NRXN3: variants seen among roughly 807,000 people sequenced by gnomAD.
NRXN3 encodes the protein neurexin III.
In NRXN3, 32 loss-of-function variants were observed where a neutral mutation model predicts 137.6. The ratio of observed to expected loss-of-function variants is 0.23; its 90% confidence interval spans 0.18 to 0.31. The LOEUF is 0.31. Ranked by LOEUF, NRXN3 falls within the 10% of genes least tolerant of loss-of-function variation. NRXN3 has a pLI of 1.00. For synonymous variants in NRXN3, 798 were observed against 784.5 expected, an observed-to-expected ratio of 1.02 and a Z score of -0.29; for missense variants, 1,574 against 2,062.5, an observed-to-expected ratio of 0.76 and a Z score of 4.59.
At chr14:79,097,662 A>C (rs2050586587) in intron 15 of NRXN3, among the ~76,000 whole-genome samples, 2 of 152,164 alleles carry the variant, frequency 1.3e-5, no homozygotes, top group South Asian at 4.1e-4. Flanking sequence ...TCCAAATTGC[A>C]TTCAATCGAT....
chr14:78,285,648 G>A (rs61976014), intron 3 of NRXN3, among the ~76,000 whole-genome samples: 4,381 of 152,252 alleles, frequency 0.029, 80 homozygotes, highest in African/African-American at 0.048. Context: ...TACATTGCAG[G>A]CACAGAAAAA....
chr14:78,894,791 C>T (rs547018515), intron 10 of NRXN3, among the ~76,000 whole-genome samples: 5 of 151,416 alleles, frequency 3.3e-5, no homozygotes, highest in East Asian at 2.0e-4. Context: ...ATGGATGTTA[C>T]GTTAGCAGAC....
chr14:79,284,382 A>ATATATATATATG (rs2081891651), intron 15 of NRXN3, among the ~76,000 whole-genome samples: 7 of 120,538 alleles, frequency 5.8e-5, no homozygotes, highest in Non-Finnish European at 9.8e-5. Flanking sequence ...ATATATATAT[A>ATATATATATATG]TATGTATCTC....
chr14:79,283,790 C>T (rs1478016112), intron 15 of NRXN3, among the ~76,000 whole-genome samples: 2 of 152,042 alleles, frequency 1.3e-5, no homozygotes, highest in African/African-American at 4.8e-5. Context: ...AGCACATACT[C>T]TGTGCCAGGC....
intron 15 of NRXN3, among the ~76,000 whole-genome samples, chr14:79,242,502 C>A: frequency 6.6e-6 from 1 of 152,120 alleles, no homozygotes; most frequent in East Asian, 1.9e-4. Context: ...TAATTGGCTA[C>A]CCTCTGGGTT....
chr14:78,945,201 T>A (rs2099362757), intron 10 of NRXN3, among the ~76,000 whole-genome samples: 1 of 152,218 alleles, frequency 6.6e-6, no homozygotes, highest in Non-Finnish European at 1.5e-5. Context: ...TGGCAGCATT[T>A]TAAAGATAAA....
intron 1 of NRXN3, among the ~76,000 whole-genome samples, chr14:78,180,939 A>G (rs1024531392): frequency 4.6e-5 from 7 of 152,194 alleles, no homozygotes; most frequent in African/African-American, 9.7e-5. Flanking sequence ...TTCCAAACCC[A>G]TGCTGCACCT....
Position 79,863,816 on chromosome 14 carries a change from A to AAATC in NRXN3, c.*1858_*1861dup, listed in dbSNP as rs1473994427. 6.6e-6 allele frequency: 1 copy of AAATC among 152,626 alleles called. No homozygotes were observed. The highest frequency in any genetic ancestry group is 2.4e-5 in the African/African-American group (1 of 41,458). 9.5% of individuals were successfully genotyped at this position (152,626 alleles called of 1,614,324 possible). ...TATACAATTTCTTTTGTACAGATGA[A>AAATC]AATCAATCAGCTGCTTAGATTTAGA... On this transcript the variant is annotated 3_prime_UTR_variant, in exon 21 of 21. Transcript: ENST00000335750.
intron 9 of NRXN3, among the ~76,000 whole-genome samples, chr14:78,805,121 G>T (rs2098854831): frequency 6.6e-6 from 1 of 151,930 alleles, no homozygotes. Flanking sequence ...AAAATCTCTG[G>T]GACACAAAGG....
intron 15 of NRXN3, among the ~76,000 whole-genome samples, chr14:79,045,869 C>T (rs969675152): frequency 5.3e-5 from 8 of 152,012 alleles, no homozygotes; most frequent in Admixed American, 3.3e-4. Flanking sequence ...TGAGGTGGGG[C>T]CTGAGAATTT....
chr14:78,938,271 A>T (rs1242262936), intron 10 of NRXN3, among the ~76,000 whole-genome samples: 1 of 152,242 alleles, frequency 6.6e-6, no homozygotes, highest in Non-Finnish European at 1.5e-5. Flanking sequence ...TACCTGCTGG[A>T]GCAGAAATTT....
intron 20 of NRXN3, among the ~76,000 whole-genome samples, chr14:79,809,133 A>T (rs1229917934): frequency 6.6e-6 from 1 of 152,220 alleles, no homozygotes; most frequent in African/African-American, 2.4e-5. Flanking sequence ...TTGAAACAGA[A>T]CTTTATATCT....
intron 8 of NRXN3, among the ~76,000 whole-genome samples, chr14:78,791,132 G>T (rs981956573): frequency 6.6e-6 from 1 of 151,934 alleles, no homozygotes; most frequent in East Asian, 1.9e-4. Flanking sequence ...TTTTCTTTTT[G>T]ATTAGGACCT....
intron 4 of NRXN3, among the ~76,000 whole-genome samples, chr14:78,610,000 T>G (rs1173937032): frequency 6.7e-6 from 1 of 148,976 alleles, no homozygotes; most frequent in Admixed American, 6.7e-5. Flanking sequence ...TAACAGAATG[T>G]GAGATAGAGA....
chr14:79,863,432 T>C lies in NRXN3; in HGVS notation c.*1468T>C, dbSNP rs550644371. Reference sequence around the variant, plus strand: ...ATGAGAATGTTGTTTTAAAAGAAAATAGCAAAACAACAAAAAAGCAAACCT... The same window carrying C: ...ATGAGAATGTTGTTTTAAAAGAAAACAGCAAAACAACAAAAAAGCAAACCT... On this transcript the variant is annotated 3_prime_UTR_variant, in exon 21 of 21. Coordinates refer to ENST00000335750, the MANE Select transcript of NRXN3 (RefSeq NM_001330195.2). The C allele has an allele frequency of 6.6e-5, 10 of 152,002 alleles. No individual in the cohort carries two copies. The highest frequency in any genetic ancestry group is 2.4e-4 in the African/African-American group (10 of 41,360). 9.4% of individuals were successfully genotyped at this position (152,002 alleles called of 1,614,324 possible). A position where few individuals can be genotyped will look rare whatever the true frequency, so the allele number is the denominator to read the frequency against.
At chr14:78,871,329 G>A (rs1458809792) in intron 10 of NRXN3, among the ~76,000 whole-genome samples, 1 of 151,842 alleles carries the variant, frequency 6.6e-6, no homozygotes, top group East Asian at 1.9e-4. Context: ...TAATATGTCT[G>A]AAAATCTCTC....
intron 20 of NRXN3, among the ~76,000 whole-genome samples, chr14:79,832,984 T>C (rs1412789854): frequency 1.3e-5 from 2 of 152,116 alleles, no homozygotes; most frequent in African/African-American, 4.8e-5. Context: ...AGAGAAACAA[T>C]GAAAAGTTAT....
chr14:79,519,195 A>G (rs549558360), intron 16 of NRXN3, among the ~76,000 whole-genome samples: 7 of 151,914 alleles, frequency 4.6e-5, no homozygotes, highest in Non-Finnish European at 7.4e-5. Context: ...CTATCTCCCA[A>G]GTTTTCATAT....
In NRXN3 at chr14:78,992,105, T is replaced by C. The variant is rs914591486; in HGVS notation, c.3262+3964T>C. On this transcript the variant is annotated intron_variant, in intron 15 of 20. Coordinates refer to ENST00000335750, the MANE Select transcript of NRXN3 (RefSeq NM_001330195.2). ...CCAAGTGTAATTGATTTGCTAATTGTCTTACATAGTTTTAGATATGACCTT... is the reference window on the plus strand; with the variant it reads ...CCAAGTGTAATTGATTTGCTAATTGCCTTACATAGTTTTAGATATGACCTT... Among the ~76,000 whole-genome samples the C allele has an allele frequency of 1.1e-4, 17 of 152,362 alleles. No homozygotes were observed. In the South Asian group the frequency reaches 2.3e-3, roughly 20 times the overall value.
Sources: allele counts gnomAD v4.1 joint callset (sites outside exome capture counted in the v4.1 genomes callset), GRCh38; gene constraint gnomAD v4.1.1; transcripts MANE v1.5; gene names NCBI Gene and HGNC (gene_info 2026-07-23, HGNC 2026-07-21).